GABRB1: variants seen among roughly 807,000 people sequenced by gnomAD.
GABRB1 encodes the protein gamma-aminobutyric acid type A receptor subunit beta1, also known as gamma-aminobutyric acid receptor subunit beta-1.
Under a neutral mutation model 51.6 loss-of-function variants are expected in GABRB1, and 17 were observed. The ratio of observed to expected loss-of-function variants is 0.33; its 90% CI spans 0.23 to 0.49. The LOEUF (loss-of-function observed/expected upper bound fraction) is 0.49. Ranked by LOEUF, GABRB1 falls within the 20% of genes least tolerant of loss-of-function variation. GABRB1 has a pLI of 0.99. For missense variants in GABRB1, 410 were observed against 600.6 expected (o/e 0.68, Z 3.32); for synonymous variants, 247 against 218.9 (o/e 1.13, Z -1.14).
chr4:47,346,774 C>T (rs1308592634), intron 5 of GABRB1, among the ~76,000 whole-genome samples: 2 of 152,162 alleles, frequency 1.3e-5, no homozygotes, highest in African/African-American at 4.8e-5. Context: ...AAGTTTGCAT[C>T]CTTGCTGTTT....
intron 5 of GABRB1, among the ~76,000 whole-genome samples, chr4:47,325,182 AC>A (rs1725214625): frequency 6.6e-6 from 1 of 152,160 alleles, no homozygotes; most frequent in African/African-American, 2.4e-5. Flanking sequence ...CACGCCTGTA[AC>A]CCCAACACTT....
intron 4 of GABRB1, among the ~76,000 whole-genome samples, chr4:47,282,791 CATTA>C (rs1324806635): frequency 6.6e-6 from 1 of 152,108 alleles, no homozygotes; most frequent in Non-Finnish European, 1.5e-5. Context: ...TTACTTAATT[CATTA>C]ATTAATGTTG....
At chr4:47,264,963 G>A (rs1722592804) in intron 4 of GABRB1, among the ~76,000 whole-genome samples, 1 of 152,170 alleles carries the variant, frequency 6.6e-6, no homozygotes, top group Non-Finnish European at 1.5e-5. Context: ...AAAGAATGAT[G>A]CTGATAAATT....
chr4:47,311,201 C>G (rs1196658313), intron 4 of GABRB1, among the ~76,000 whole-genome samples: 1 of 151,290 alleles, frequency 6.6e-6, no homozygotes, highest in South Asian at 2.1e-4. Flanking sequence ...CGAGACCAGC[C>G]TGGCCAACAT....
intron 4 of GABRB1, among the ~76,000 whole-genome samples, chr4:47,298,156 A>T (rs538004688): frequency 1.3e-5 from 2 of 152,288 alleles, no homozygotes; most frequent in Non-Finnish European, 2.9e-5. Context: ...CAAAAACTGG[A>T]AGCATTCCCT....
chr4:47,109,835 T>A, intron 3 of GABRB1, among the ~76,000 whole-genome samples: 1 of 152,204 alleles, frequency 6.6e-6, no homozygotes, highest in Admixed American at 6.5e-5. Context: ...TTTCTTTCAA[T>A]CTCAAGAATT....
intron 4 of GABRB1, among the ~76,000 whole-genome samples, chr4:47,252,500 C>A (rs1279717864): frequency 7.5e-6 from 1 of 134,206 alleles, no homozygotes; most frequent in African/African-American, 2.8e-5. Flanking sequence ...CCATTAATAG[C>A]AATTGCCTTT....
At chr4:47,021,646 T>C (rs1451093841) in intron 1 of GABRB1, among the ~76,000 whole-genome samples, 1 of 152,184 alleles carries the variant, frequency 6.6e-6, no homozygotes, top group African/African-American at 2.4e-5. Context: ...TATCTGTTCA[T>C]CAATATTTAA....
intron 8 of GABRB1, among the ~76,000 whole-genome samples, chr4:47,418,331 T>C (rs745611900): frequency 6.6e-6 from 1 of 152,214 alleles, no homozygotes; most frequent in Non-Finnish European, 1.5e-5. Flanking sequence ...GATTTTGCAA[T>C]CTTTAGCCTG....
chr4:47,227,887 T>C (rs919782322), intron 4 of GABRB1, among the ~76,000 whole-genome samples: 2 of 152,146 alleles, frequency 1.3e-5, no homozygotes, highest in Non-Finnish European at 2.9e-5. Flanking sequence ...TCTGTTCACA[T>C]GCATCCCTGG....
At chr4:47,009,663 T>G (rs1392076641) in intron 1 of GABRB1, among the ~76,000 whole-genome samples, 1 of 152,196 alleles carries the variant, frequency 6.6e-6, no homozygotes, top group African/African-American at 2.4e-5. Flanking sequence ...GTGGATTATC[T>G]CCAAAGGTAC....
intron 4 of GABRB1, among the ~76,000 whole-genome samples, chr4:47,305,697 T>A (rs1724440921): frequency 6.6e-6 from 1 of 152,184 alleles, no homozygotes; most frequent in South Asian, 2.1e-4. Flanking sequence ...TGTAAGTTGA[T>A]GAATTTCTTC....
intron 3 of GABRB1, among the ~76,000 whole-genome samples, chr4:47,084,040 C>G (rs1164284959): frequency 6.6e-6 from 1 of 152,062 alleles, no homozygotes; most frequent in African/African-American, 2.4e-5. Context: ...GCTTGCTTCC[C>G]TGAAATTAAA....
intron 3 of GABRB1, among the ~76,000 whole-genome samples, chr4:47,042,437 T>A (rs1725893500): frequency 6.9e-6 from 1 of 144,780 alleles, no homozygotes; most frequent in Non-Finnish European, 1.5e-5. Flanking sequence ...TATATATATA[T>A]ATAAAATACG....
At chr4:47,235,600 A>C (rs1721304402) in intron 4 of GABRB1, among the ~76,000 whole-genome samples, 1 of 151,994 alleles carries the variant, frequency 6.6e-6, no homozygotes, top group African/African-American at 2.4e-5. Flanking sequence ...TATCTAGAAA[A>C]ACTCTTTGGG....
intron 3 of GABRB1, among the ~76,000 whole-genome samples, chr4:47,112,053 T>A (rs911102241): frequency 2.7e-5 from 4 of 147,650 alleles, no homozygotes; most frequent in Non-Finnish European, 6.0e-5. Context: ...CACTGCAACC[T>A]CCACCTCCCG....
intron 3 of GABRB1, among the ~76,000 whole-genome samples, chr4:47,153,494 A>T (rs933514111): frequency 2.0e-5 from 3 of 152,170 alleles, no homozygotes; most frequent in African/African-American, 7.2e-5. Context: ...ACATTTTTTT[A>T]AAAAATGGAT....
intron 4 of GABRB1, among the ~76,000 whole-genome samples, chr4:47,235,892 T>C (rs1159991609): frequency 6.6e-6 from 1 of 152,174 alleles, no homozygotes; most frequent in African/African-American, 2.4e-5. Flanking sequence ...CCAGATATAA[T>C]GAGAGTTCCC....
intron 3 of GABRB1, among the ~76,000 whole-genome samples, chr4:47,066,936 G>A (rs186370368): frequency 6.6e-6 from 1 of 152,230 alleles, no homozygotes; most frequent in African/African-American, 2.4e-5. Context: ...ATCTCTGGTA[G>A]CTATAATATT....
Sources: allele counts gnomAD v4.1 joint callset (sites outside exome capture counted in the v4.1 genomes callset), GRCh38; gene constraint gnomAD v4.1.1; transcripts MANE v1.5; gene names NCBI Gene and HGNC (gene_info 2026-07-23, HGNC 2026-07-21).